The following NTRK3 variants were observed in gnomAD, a reference collection of about 807,000 sequenced individuals.
NTRK3 encodes the protein NT-3 growth factor receptor.
NTRK3 carries 24 observed loss-of-function variants against 91.7 expected under a neutral mutation model. That is an observed-to-expected ratio of 0.26 (90% CI 0.19 to 0.37). The LOEUF (loss-of-function observed/expected upper bound fraction) is 0.37. NTRK3 is among the 10% of genes least tolerant of loss of function. NTRK3 has a pLI of 1.00. For missense variants in NTRK3, 880 were observed against 1,068.9 expected (o/e 0.82, Z 2.46); for synonymous variants, 483 against 404.0 (o/e 1.20, Z -2.34).
intron 13 of NTRK3, among the ~76,000 whole-genome samples, chr15:88,102,425 AC>A (rs2050267455): frequency 6.6e-6 from 1 of 152,196 alleles, no homozygotes; most frequent in African/African-American, 2.4e-5. Flanking sequence ...AAGGAATAAG[AC>A]CTAGTGTTCA....
At chr15:88,217,303 G>C (rs4887383) in intron 3 of NTRK3, among the ~76,000 whole-genome samples, 1 of 152,130 alleles carries the variant, frequency 6.6e-6, no homozygotes, top group South Asian at 2.1e-4. Flanking sequence ...CGGTATACCC[G>C]TGTTCTCAGC....
At chr15:88,019,183 C>A (rs971983398) in intron 14 of NTRK3, among the ~76,000 whole-genome samples, 1 of 152,182 alleles carries the variant, frequency 6.6e-6, no homozygotes, top group African/African-American at 2.4e-5. Context: ...AGGAGAGATA[C>A]AAGGAGTAAA....
chr15:87,924,458 C>T (rs1034876751), intron 17 of NTRK3, among the ~76,000 whole-genome samples: 4 of 152,166 alleles, frequency 2.6e-5, no homozygotes, highest in African/African-American at 7.2e-5. Flanking sequence ...ATGACCCACA[C>T]CTGTGTGTCA....
intron 13 of NTRK3, among the ~76,000 whole-genome samples, chr15:88,096,913 G>T (rs1013950554): frequency 5.3e-5 from 8 of 152,312 alleles, no homozygotes; most frequent in African/African-American, 1.9e-4. Flanking sequence ...TGCACATCAA[G>T]TCCTTATCTC....
Position 88,241,642 on chromosome 15 carries a change from G to A in NTRK3, c.248+14264C>T, listed in dbSNP as rs1297184651. On this transcript the variant is annotated intron_variant, in intron 3 of 18. Transcript: ENST00000394480. This position sits in a 1 kb window ranked among gnomAD's most constrained non-coding sequence, Gnocchi z 4.3. ...GCAGAATGCCAGCTGGGTGCTGGGA[G>A]CAGGAAGCGGGGCTACCCTTCAATA... Among the ~76,000 whole-genome samples the A allele has an allele frequency of 1.3e-5, 2 of 152,146 alleles. No homozygotes were observed. The highest frequency in any genetic ancestry group is 2.9e-5 in the Non-Finnish European group (2 of 67,998).
intron 13 of NTRK3, among the ~76,000 whole-genome samples, chr15:88,118,141 T>C (rs1326993959): frequency 6.6e-6 from 1 of 152,190 alleles, no homozygotes; most frequent in East Asian, 1.9e-4. Flanking sequence ...TGGTTAGCAG[T>C]TGTTTTGATC....
At position 87,996,768 on chromosome 15, in the gene NTRK3, G is replaced by A. The variant is rs546273828; in HGVS notation, c.1585+36089C>T. ...ATGGCAGCACACAGAGGAGCTCTGA[G>A]TTCCAAGAACTGCGGTATACTCTAC... On this transcript the variant is annotated intron_variant, in intron 14 of 18. Transcript: ENST00000394480. Among the ~76,000 whole-genome samples, 3 of 152,352 alleles carry A rather than the reference G, an allele frequency of 2.0e-5. No individual in the cohort carries two copies. The South Asian group carries it at 6.2e-4, about 32-fold the overall frequency.
chr15:87,907,397 T>C (rs1472538072), intron 17 of NTRK3, among the ~76,000 whole-genome samples: 1 of 152,138 alleles, frequency 6.6e-6, no homozygotes, highest in Non-Finnish European at 1.5e-5. Flanking sequence ...AAGAGAAACC[T>C]ATAAAACTGA....
chr15:87,893,503 C>T (rs1055884985), intron 17 of NTRK3, among the ~76,000 whole-genome samples: 1 of 152,214 alleles, frequency 6.6e-6, no homozygotes, highest in Non-Finnish European at 1.5e-5. Flanking sequence ...CCACAGCTGT[C>T]CCTCCTCTTC....
intron 3 of NTRK3, among the ~76,000 whole-genome samples, chr15:88,185,009 C>T (rs1415702427): frequency 6.6e-6 from 1 of 152,188 alleles, no homozygotes; most frequent in Non-Finnish European, 1.5e-5. Flanking sequence ...ACTTCAGGAC[C>T]CAGTGACTTT....
intron 14 of NTRK3, among the ~76,000 whole-genome samples, chr15:88,003,839 T>C (rs2076290281): frequency 6.6e-6 from 1 of 151,862 alleles, no homozygotes; most frequent in South Asian, 2.1e-4. Context: ...TTTTTTTTTT[T>C]TTTTTGCACT....
At chr15:88,155,898 T>A (rs1203067497) in intron 5 of NTRK3, among the ~76,000 whole-genome samples, 2 of 152,206 alleles carry the variant, frequency 1.3e-5, no homozygotes, top group Admixed American at 1.3e-4. Flanking sequence ...TAAATCCATA[T>A]GTGCTTCACT....
At chr15:87,961,664 C>T (rs569758780) in intron 14 of NTRK3, among the ~76,000 whole-genome samples, 67 of 152,338 alleles carry the variant, frequency 4.4e-4, no homozygotes, top group Non-Finnish European at 5.9e-4. Flanking sequence ...GCAGTCTGTC[C>T]CCTAAAAGCT....
At chr15:88,056,922 G>C (rs1314889517) in intron 13 of NTRK3, among the ~76,000 whole-genome samples, 1 of 152,134 alleles carries the variant, frequency 6.6e-6, no homozygotes, top group Non-Finnish European at 1.5e-5. Flanking sequence ...TGTAATCCCA[G>C]CACTTTGGGA....
chr15:88,018,677 C>G (rs534987995), intron 14 of NTRK3, among the ~76,000 whole-genome samples: 1 of 152,084 alleles, frequency 6.6e-6, no homozygotes, highest in Non-Finnish European at 1.5e-5. Flanking sequence ...ACATTTTAAC[C>G]ATTCCCTGTG....
intron 17 of NTRK3, among the ~76,000 whole-genome samples, chr15:87,926,282 A>G (rs145477503): frequency 1.3e-5 from 2 of 152,344 alleles, no homozygotes; most frequent in African/African-American, 4.8e-5. Flanking sequence ...AGTGGTGTAT[A>G]CATTAGGACA....
At chr15:88,126,425 T>C in intron 12 of NTRK3, 52 bp from the exon 13 acceptor site, 5 of 1,268,948 alleles carry the variant, frequency 3.9e-6, no homozygotes, top group Non-Finnish European at 5.7e-6. Flanking sequence ...AAACCCAATT[T>C]CCTTGAAAAT....
chr15:88,101,829 G>A (rs1266267500), intron 13 of NTRK3, among the ~76,000 whole-genome samples: 2 of 152,080 alleles, frequency 1.3e-5, no homozygotes, highest in East Asian at 3.9e-4. Flanking sequence ...AGAACACATG[G>A]ACACAGGAAG....
chr15:88,107,272 G>T (rs1256022035), intron 13 of NTRK3, among the ~76,000 whole-genome samples: 1 of 152,028 alleles, frequency 6.6e-6, no homozygotes, highest in African/African-American at 2.4e-5. Flanking sequence ...GCAAAACCCT[G>T]TCTCTACAAA....
Sources: gnomAD v4.1 joint callset for allele counts (sites outside exome capture counted in the v4.1 genomes callset) on GRCh38, gnomAD v4.1.1 for gene constraint, Gnocchi (gnomAD v3.1) non-coding constraint, MANE v1.5 for transcripts, NCBI Gene and HGNC (gene_info 2026-07-23, HGNC 2026-07-21) for gene names.